Variants in SUPT3H observed in about 807,000 individuals in gnomAD.
The protein encoded by SUPT3H is SPT3 homolog, SAGA and STAGA complex component.
Under a neutral mutation model 44.3 loss-of-function variants are expected in SUPT3H, and 44 were observed. The ratio of observed to expected loss-of-function variants is 0.99; its 90% CI spans 0.78 to 1.28. The LOEUF (loss-of-function observed/expected upper bound fraction) is 1.28, where lower values mean the gene tolerates loss of function less well. SUPT3H is among the 50% of genes most tolerant of loss of function. The pLI is 0.00. For missense variants in SUPT3H, 380 were observed against 387.1 expected, an observed-to-expected ratio of 0.98 and a Z score of 0.15; for synonymous variants, 124 against 125.6, an observed-to-expected ratio of 0.99 and a Z score of 0.09.
At chr6:45,244,876 T>C (rs1309391381) in intron 2 of SUPT3H, among the ~76,000 whole-genome samples, 1 of 152,190 alleles carries the variant, frequency 6.6e-6, no homozygotes, top group East Asian at 1.9e-4. Flanking sequence ...GCTTATAATA[T>C]AGATGTCTTA....
Position 45,377,133 on chromosome 6 carries a change from G to A in SUPT3H, c.-1+635C>T, listed in dbSNP as rs116486581. On this transcript the variant is annotated intron_variant, in intron 1 of 10. Coordinates refer to ENST00000371459, the MANE Select transcript of SUPT3H (RefSeq NM_003599.4). ...ATTCTGAACTCCTAAAACGTGGAGA[G>A]CAAAAGCAGAGCTAATATGTACTGA... 2.8e-3 allele frequency among the ~76,000 whole-genome samples: 423 copies of A among 152,234 alleles called. 3 individuals are homozygous for A. The highest frequency in any genetic ancestry group is 9.7e-3 in the African/African-American group (405 of 41,546).
At chr6:45,099,004 G>C (rs1340355113) in intron 3 of SUPT3H, 2 of 390,656 alleles carry the variant, frequency 5.1e-6, no homozygotes, top group South Asian at 2.0e-5. Flanking sequence ...GCACTGCCAT[G>C]AGCTCTTCCT....
At chr6:45,249,100 C>CA (rs954032283) in intron 2 of SUPT3H, among the ~76,000 whole-genome samples, 3 of 151,722 alleles carry the variant, frequency 2.0e-5, no homozygotes, top group Admixed American at 6.6e-5. Flanking sequence ...TTTTTAGCAA[C>CA]AAAAAAAGGA....
At chr6:45,148,933 A>T (rs935077448) in intron 2 of SUPT3H, among the ~76,000 whole-genome samples, 1 of 152,106 alleles carries the variant, frequency 6.6e-6, no homozygotes, top group Non-Finnish European at 1.5e-5. Flanking sequence ...TAGTGGAGTT[A>T]TATTCAAGTT....
At chr6:45,178,062 C>G (rs1156590180) in intron 2 of SUPT3H, among the ~76,000 whole-genome samples, 1 of 152,034 alleles carries the variant, frequency 6.6e-6, no homozygotes, top group Non-Finnish European at 1.5e-5. Flanking sequence ...CAAATTCACA[C>G]ATAACAATAT....
chr6:45,052,506 A>T (rs1303685611), intron 3 of SUPT3H, among the ~76,000 whole-genome samples: 1 of 152,228 alleles, frequency 6.6e-6, no homozygotes, highest in Non-Finnish European at 1.5e-5. Context: ...CCAGTCATAC[A>T]AACAGTAGCA....
intron 10 of SUPT3H, among the ~76,000 whole-genome samples, chr6:44,884,990 C>T (rs1245642916): frequency 5.3e-5 from 8 of 152,168 alleles, no homozygotes; most frequent in South Asian, 4.1e-4. Context: ...GAGGGTCCTA[C>T]GCCCACGGAG....
intron 2 of SUPT3H, chr6:45,321,747 A>G: frequency 2.3e-6 from 3 of 1,313,614 alleles, no homozygotes; most frequent in Non-Finnish European, 3.3e-6. Flanking sequence ...TTCTACCCAT[A>G]AACTTGTTCT....
In SUPT3H at chr6:44,867,154, CT is replaced by C. The variant is rs1361754213; in HGVS notation, c.913-37298del. On this transcript the variant is annotated intron_variant, in intron 10 of 10. Coordinates refer to ENST00000371459, the MANE Select transcript of SUPT3H (RefSeq NM_003599.4). ...ACAGTTACTTATAAAGGAAGATACA[CT>C]TTTTTTTTTTTTTTGAAATGGAGTC... Among the ~76,000 whole-genome samples, 353 of 143,274 alleles carry C rather than the reference CT, an allele frequency of 2.5e-3. 1 individual carries two copies. The highest frequency in any genetic ancestry group is 2.9e-3 in the Admixed American group (42 of 14,290). 94.0% of individuals were successfully genotyped at this position (143,274 alleles called of 152,430 possible).
At chr6:45,158,293 TATA>T (rs1344719062) in intron 2 of SUPT3H, among the ~76,000 whole-genome samples, 6,956 of 46,802 alleles carry the variant, frequency 0.15, 1,034 homozygotes, top group East Asian at 0.38. Context: ...TATATATATA[TATA>T]TATTTTTTTT....
intron 11 of SUPT3H, among the ~76,000 whole-genome samples, chr6:44,821,707 C>T (rs899688788): frequency 6.6e-6 from 1 of 151,878 alleles, no homozygotes; most frequent in African/African-American, 2.4e-5. Context: ...AAATTTTTCC[C>T]AAAATAAGAC....
chr6:45,087,689 T>G (rs1044132456), intron 3 of SUPT3H, among the ~76,000 whole-genome samples: 1 of 151,898 alleles, frequency 6.6e-6, no homozygotes, highest in Non-Finnish European at 1.5e-5. Flanking sequence ...AAATCTATAC[T>G]CATTTTAGCA....
chr6:44,988,668 A>G (rs552716768), intron 6 of SUPT3H, among the ~76,000 whole-genome samples: 47 of 152,004 alleles, frequency 3.1e-4, no homozygotes, highest in African/African-American at 1.1e-3. Context: ...ATATTTGTAA[A>G]ATTATTTCCC....
intron 2 of SUPT3H, among the ~76,000 whole-genome samples, chr6:45,168,755 G>A (rs1000409332): frequency 3.3e-5 from 5 of 152,198 alleles, no homozygotes; most frequent in African/African-American, 1.2e-4. Flanking sequence ...AGCAATGGGA[G>A]GTAAGTATAC....
At chr6:45,080,527 C>A (rs72869107) in intron 3 of SUPT3H, among the ~76,000 whole-genome samples, 20 of 151,798 alleles carry the variant, frequency 1.3e-4, no homozygotes, top group South Asian at 4.2e-4. Flanking sequence ...TTGGAAGCAA[C>A]ATAAGTGTCC....
intron 3 of SUPT3H, among the ~76,000 whole-genome samples, chr6:45,059,236 A>G (rs1181765936): frequency 6.6e-6 from 1 of 152,156 alleles, no homozygotes; most frequent in African/African-American, 2.4e-5. Flanking sequence ...AAGCTTATCC[A>G]CCATGATCAA....
chr6:45,284,377 A>T (rs375169027), intron 2 of SUPT3H, among the ~76,000 whole-genome samples: 1 of 152,184 alleles, frequency 6.6e-6, no homozygotes, highest in Non-Finnish European at 1.5e-5. Flanking sequence ...AGTGAGAGGA[A>T]TCAAATACAT....
intron 10 of SUPT3H, among the ~76,000 whole-genome samples, chr6:44,927,789 T>C (rs536869510): frequency 1.3e-5 from 2 of 152,356 alleles, no homozygotes; most frequent in East Asian, 3.9e-4. Flanking sequence ...TATTAGTCCA[T>C]AAACAAACCA....
intron 10 of SUPT3H, among the ~76,000 whole-genome samples, chr6:44,867,844 G>C (rs1775740286): frequency 6.6e-6 from 1 of 152,202 alleles, no homozygotes; most frequent in Non-Finnish European, 1.5e-5. Flanking sequence ...TTTCATTCCA[G>C]TAACCGTTCA....
Sources: allele counts gnomAD v4.1 joint callset (sites outside exome capture counted in the v4.1 genomes callset), GRCh38; gene constraint gnomAD v4.1.1; transcripts MANE v1.5; gene names NCBI Gene and HGNC (gene_info 2026-07-23, HGNC 2026-07-21).